CDKL2: variants seen among roughly 807,000 people sequenced by gnomAD.
CDKL2 encodes cyclin-dependent kinase-like 2.
In CDKL2, 64 loss-of-function variants were observed where a neutral mutation model predicts 63.9. That is an observed-to-expected ratio of 1.00 (90% CI 0.82 to 1.23). CDKL2 has a LOEUF of 1.23. Among genes scored for constraint, CDKL2 ranks in the 50% most tolerant of loss-of-function variants. The pLI is 0.00. For synonymous variants in CDKL2, 211 were observed against 229.2 expected, an observed-to-expected ratio of 0.92 and a Z score of 0.72; for missense variants, 656 against 668.0, an observed-to-expected ratio of 0.98 and a Z score of 0.20.
Position 75,598,307 on chromosome 4 carries a change from T to C in CDKL2, c.885-95A>G, listed in dbSNP as rs1578327494. ...TATTTATTTTTTAAAAATTGAATGT[T>C]AAACTAGTCTATGTTATTAAAAATG... On this transcript the variant is annotated intron_variant, in intron 7 of 13. Coordinates refer to ENST00000307465, the MANE Select transcript of CDKL2 (RefSeq NM_001330724.2). The C allele has an allele frequency of 4.5e-6, 3 of 661,514 alleles. No individual in the cohort carries two copies. The East Asian group carries it at 9.9e-5, about 22-fold the overall frequency. The allele number at this position is 661,514 out of a possible 1,614,324, so 41.0% of individuals were successfully genotyped here.
chr4:75,601,027 T>C (rs531469787), intron 6 of CDKL2, among the ~76,000 whole-genome samples: 51 of 152,270 alleles, frequency 3.3e-4, no homozygotes, highest in African/African-American at 1.0e-3. Flanking sequence ...ACAAACAACT[T>C]AGTTTCTTCA....
intron 12 of CDKL2, among the ~76,000 whole-genome samples, chr4:75,591,489 T>C (rs548358203): frequency 2.4e-4 from 37 of 152,180 alleles, no homozygotes; most frequent in Middle Eastern, 6.8e-3. Flanking sequence ...CTCAGCTACT[T>C]GGGAGGCTGA....
Position 75,602,849 on chromosome 4 carries a change from T to C in CDKL2, c.795+968A>G, listed in dbSNP as rs561993975. Among the ~76,000 whole-genome samples the C allele has an allele frequency of 7.9e-5, 12 of 152,178 alleles. No individual in the cohort carries two copies. The South Asian group carries it at 2.5e-3, about 32-fold the overall frequency. On this transcript the variant is annotated intron_variant, in intron 6 of 13. Transcript: ENST00000307465. ...CCTTTTTATTTTCTTATCCTACTTTTATTTTCTTTTCCATTTAAACAAGGC... is the reference window on the plus strand; with the variant it reads ...CCTTTTTATTTTCTTATCCTACTTTCATTTTCTTTTCCATTTAAACAAGGC...
Position 75,597,250 on chromosome 4 carries a change from A to G in CDKL2, c.1021-14T>C. On this transcript the variant is annotated splice_polypyrimidine_tract_variant and intron_variant, in intron 8 of 13. Coordinates refer to ENST00000307465, the MANE Select transcript of CDKL2 (RefSeq NM_001330724.2). Reference sequence around the variant, plus strand: ...AGCATTGGTATCCTGATCATTAACAAAAATATTAATAAGGTTAATGATCTG... The same window carrying G: ...AGCATTGGTATCCTGATCATTAACAGAAATATTAATAAGGTTAATGATCTG... 1 of 1,487,040 alleles carries G rather than the reference A, an allele frequency of 6.7e-7. No homozygotes were observed. Among genetic ancestry groups the G allele is most frequent in the Non-Finnish European group, 9.3e-7 (1 of 1,075,382 alleles). The allele number at this position is 1,487,040 out of a possible 1,614,324, so 92.1% of individuals were successfully genotyped here.
chr4:75,616,520 C>G (rs1216636494), intron 2 of CDKL2, among the ~76,000 whole-genome samples: 2 of 151,272 alleles, frequency 1.3e-5, no homozygotes, highest in African/African-American at 2.4e-5. Flanking sequence ...AAAAAATTAC[C>G]CAGGCGTGGT....
At chr4:75,607,705 C>CTTTAA (rs1240407146) in intron 3 of CDKL2, among the ~76,000 whole-genome samples, 3 of 152,018 alleles carry the variant, frequency 2.0e-5, no homozygotes, top group Non-Finnish European at 4.4e-5. Flanking sequence ...TAACATAGGT[C>CTTTAA]TTTAATACTA....
rs762610282 is a variant in CDKL2 at position 75,607,189 on chromosome 4, T to C, written c.536A>G (p.Tyr179Cys). The C allele has an allele frequency of 3.1e-6, 5 of 1,607,406 alleles. No homozygotes were observed. The highest frequency in any genetic ancestry group is 4.3e-6 in the Non-Finnish European group (5 of 1,175,892). Residue 179 changes from tyrosine to cysteine, a missense_variant, in exon 4 of 14, where the codon TAT becomes TGT. Physicochemically the swap from Tyr to Cys is radical, Grantham distance 194. Coordinates refer to ENST00000307465, the MANE Select transcript of CDKL2 (RefSeq NM_001330724.2). ...CCCATTACTGATGTCTTACTTGCCA[T>C]ACTTGACATCACCAACCAATAGTTC... is the stretch of plus-strand genomic sequence containing the variant. Reference protein sequence around the residue: ...APELLVGDVKYGKAVDVWAIG... With the variant: ...APELLVGDVKCGKAVDVWAIG...
At chr4:75,579,450 G>A (rs760804838) in intron 13 of CDKL2, among the ~76,000 whole-genome samples, 18 of 152,234 alleles carry the variant, frequency 1.2e-4, no homozygotes, top group Non-Finnish European at 2.2e-4. Context: ...GAGGCGGGCA[G>A]ATCACCTGAG....
In CDKL2 at chr4:75,577,663, T is replaced by C. The variant is rs565608575; in HGVS notation, c.*1539A>G. The stretch of plus-strand genomic sequence containing the variant: ...GTTTTTCAAAGTAAAAATAAAGTAG[T>C]AACTTTTTAATATGCAGCCTATTAA... On this transcript the variant is annotated 3_prime_UTR_variant, in exon 14 of 14. Transcript: ENST00000307465. Among the ~76,000 whole-genome samples, 2 of 152,344 alleles carry C rather than the reference T, an allele frequency of 1.3e-5. No individual in the cohort carries two copies. The highest frequency in any genetic ancestry group is 1.3e-4 in the Admixed American group (2 of 15,304).
chr4:75,626,302 TCC>T (rs1176793673), intron 1 of CDKL2, among the ~76,000 whole-genome samples: 1 of 152,202 alleles, frequency 6.6e-6, no homozygotes, highest in African/African-American at 2.4e-5. Flanking sequence ...TTAATGAAAT[TCC>T]ATATATTTTT....
chr4:75,608,120 A>AC (rs1283803274), intron 3 of CDKL2, among the ~76,000 whole-genome samples: 2 of 62,166 alleles, frequency 3.2e-5, no homozygotes, highest in African/African-American at 1.2e-4. Context: ...CGGGCCAAAA[A>AC]CCTTTTTTTT....
chr4:75,580,567 T>C (rs962916026), intron 13 of CDKL2, among the ~76,000 whole-genome samples: 2 of 150,586 alleles, frequency 1.3e-5, no homozygotes, highest in Non-Finnish European at 3.0e-5. Flanking sequence ...CTCAGGAGGC[T>C]GGGGTGGGAG....
Position 75,600,279 on chromosome 4 carries a change from A to T in CDKL2, c.884+2T>A. Reference sequence around the variant, plus strand: ...CCTGAAAAACATGGGTAAGTACTATACCTCTCAGCAAATCCATCCATTTGA... The same window carrying T: ...CCTGAAAAACATGGGTAAGTACTATTCCTCTCAGCAAATCCATCCATTTGA... On this transcript the variant is annotated splice_donor_variant, in intron 7 of 13. Transcript: ENST00000307465. LOFTEE classifies it high-confidence loss of function. 1 of 1,605,054 alleles carries T rather than the reference A, an allele frequency of 6.2e-7. No individual in the cohort carries two copies. The highest frequency in any genetic ancestry group is 8.5e-7 in the Non-Finnish European group (1 of 1,172,424).
intron 12 of CDKL2, among the ~76,000 whole-genome samples, 163 bp from the exon 13 acceptor site, chr4:75,582,061 T>C (rs1325456992): frequency 6.6e-6 from 1 of 152,246 alleles, no homozygotes; most frequent in Non-Finnish European, 1.5e-5. Context: ...CATTGTTCTT[T>C]TCCTTTTCTT....
rs779707576 is a variant in CDKL2 at position 75,596,251 on chromosome 4, G to A, written c.1412C>T (p.Thr471Ile). 2 of 1,581,066 alleles carry A rather than the reference G, an allele frequency of 1.3e-6. No individual in the cohort carries two copies. The highest frequency in any genetic ancestry group is 2.7e-5 in the African/African-American group (2 of 74,266). ...PSGIYNINVT[T>I]LVSSEKNLFW... ...TACTGAGAACTGCTTACTTACTAAT[G>A]TGGTCACATTAATGTTATAAATGCC... The change falls in exon 10 of 14, where the codon ACA becomes ATA. Residue 471 changes from threonine (T) to isoleucine (I), a missense_variant. Coordinates refer to ENST00000307465, the MANE Select transcript of CDKL2 (RefSeq NM_001330724.2).
intron 13 of CDKL2, among the ~76,000 whole-genome samples, chr4:75,579,785 T>C (rs1371061695): frequency 6.6e-6 from 1 of 152,254 alleles, no homozygotes; most frequent in Non-Finnish European, 1.5e-5. Context: ...TTACACGGTT[T>C]GTATGAATTA....
At chr4:75,622,613 G>T (rs1158888232) in intron 2 of CDKL2, among the ~76,000 whole-genome samples, 1 of 148,864 alleles carries the variant, frequency 6.7e-6, no homozygotes, top group Non-Finnish European at 1.5e-5. Context: ...AGCTACTTGG[G>T]AGGCTGAGGC....
intron 3 of CDKL2, among the ~76,000 whole-genome samples, chr4:75,612,083 G>A (rs1729726881): frequency 1.3e-5 from 2 of 152,008 alleles, no homozygotes; most frequent in South Asian, 4.1e-4. Context: ...CAATTCTCTT[G>A]CCTCAGCCTC....
chr4:75,591,327 A>G (rs1403209026), intron 12 of CDKL2, among the ~76,000 whole-genome samples: 1 of 152,242 alleles, frequency 6.6e-6, no homozygotes, highest in African/African-American at 2.4e-5. Context: ...CAGGAGCCAT[A>G]GCTCACATCT....
Sources: gnomAD v4.1 joint callset for allele counts (sites outside exome capture counted in the v4.1 genomes callset) on GRCh38, gnomAD v4.1.1 for gene constraint, MANE v1.5 for transcripts, NCBI Gene and HGNC (gene_info 2026-07-23, HGNC 2026-07-21) for gene names.